Variants in ATL2 observed in about 807,000 individuals in gnomAD.
The protein encoded by ATL2 is atlastin-2.
A neutral mutation model predicts 73.9 loss-of-function variants in ATL2; 31 were observed. The observed-to-expected ratio is 0.42, with a 90% confidence interval of 0.32 to 0.57. ATL2 has a LOEUF of 0.57. Ranked by LOEUF, ATL2 falls within the 20% of genes least tolerant of loss-of-function variation. The probability of loss-of-function intolerance (pLI) is 0.14; values close to 1 mark genes in which losing one functional copy is unlikely to be tolerated. For synonymous variants in ATL2, 291 were observed against 237.5 expected (o/e 1.23, Z -2.07); for missense variants, 738 against 702.6 (o/e 1.05, Z -0.57).
intron 9 of ATL2, among the ~76,000 whole-genome samples, chr2:38,303,639 A>G (rs1031095779): frequency 6.6e-6 from 1 of 152,240 alleles, no homozygotes; most frequent in Non-Finnish European, 1.5e-5. Flanking sequence ...CCAAAAGGGC[A>G]AATCTAAGAG....
chr2:38,322,135 A>T (rs892427815), intron 2 of ATL2, among the ~76,000 whole-genome samples: 1 of 152,072 alleles, frequency 6.6e-6, no homozygotes, highest in Non-Finnish European at 1.5e-5. Context: ...CTCCTATCAA[A>T]GTGCCTTGCA....
At chr2:38,320,018 G>A (rs973144193) in intron 2 of ATL2, among the ~76,000 whole-genome samples, 25 of 152,184 alleles carry the variant, frequency 1.6e-4, no homozygotes, top group African/African-American at 5.1e-4. Context: ...TCAGGCAAGA[G>A]AATCACTTGA....
intron 2 of ATL2, among the ~76,000 whole-genome samples, chr2:38,325,500 G>T (rs996645871): frequency 6.6e-6 from 1 of 151,898 alleles, no homozygotes; most frequent in African/African-American, 2.4e-5. Context: ...TTATCTCAAA[G>T]AACTCCACAA....
intron 1 of ATL2, among the ~76,000 whole-genome samples, chr2:38,372,631 A>C (rs1671753036): frequency 6.6e-6 from 1 of 152,234 alleles, no homozygotes; most frequent in Admixed American, 6.5e-5. Context: ...TCTAAAATGC[A>C]CATTTATTAA....
intron 2 of ATL2, among the ~76,000 whole-genome samples, chr2:38,323,786 C>G (rs1668455412): frequency 6.6e-6 from 1 of 152,148 alleles, no homozygotes; most frequent in Non-Finnish European, 1.5e-5. Context: ...GATCATAGCT[C>G]ACTGTCCTCG....
intron 2 of ATL2, among the ~76,000 whole-genome samples, chr2:38,331,290 GC>G (rs941549499): frequency 3.9e-5 from 6 of 151,994 alleles, no homozygotes; most frequent in African/African-American, 1.4e-4. Flanking sequence ...ACAAAAAGTA[GC>G]TGGGCATGGT....
intron 2 of ATL2, among the ~76,000 whole-genome samples, chr2:38,330,106 G>A (rs1423937459): frequency 6.6e-6 from 1 of 151,006 alleles, no homozygotes; most frequent in East Asian, 1.9e-4. Context: ...TCCAGCCTGG[G>A]TGACAGAACA....
rs1301419447 is a variant in ATL2, at chr2:38,294,355, T to C, written c.*1639A>G. On this transcript the variant is annotated 3_prime_UTR_variant, in exon 13 of 13. Transcript: ENST00000378954. ...CAAGGTCAGGCGATTGAGACCATCC[T>C]GGCTAAAACGGTGAAACCCCATCTC... Among the ~76,000 whole-genome samples, 1 of 152,228 alleles carries C rather than the reference T, an allele frequency of 6.6e-6. No individual in the cohort carries two copies. The highest frequency in any genetic ancestry group is 1.5e-5 in the Non-Finnish European group (1 of 68,038).
chr2:38,341,617 C>G (rs750963527), intron 2 of ATL2, among the ~76,000 whole-genome samples: 44 of 152,224 alleles, frequency 2.9e-4, no homozygotes, highest in African/African-American at 9.9e-4. Context: ...TTCACACCAC[C>G]GCACTCCAGC....
chr2:38,345,953 T>C lies in ATL2; in HGVS notation c.119-2441A>G, dbSNP rs143742391. Among the ~76,000 whole-genome samples the C allele has an allele frequency of 8.6e-4, 131 of 152,334 alleles. 2 individuals carry two copies. Among genetic ancestry groups the C allele is most frequent in the African/African-American group, 3.0e-3 (126 of 41,570 alleles). ...TATGTATGCTACGCAGTAAGCACCA[T>C]AGGTGTAAGTTAACAGTAATTTCAA... On this transcript the variant is annotated intron_variant, in intron 1 of 12. Transcript: ENST00000378954.
intron 9 of ATL2, among the ~76,000 whole-genome samples, chr2:38,308,924 T>G (rs1667596168): frequency 1.3e-5 from 2 of 151,324 alleles, no homozygotes; most frequent in Non-Finnish European, 3.0e-5. Context: ...CTATAAAGAC[T>G]AGAGAAGAAC....
intron 8 of ATL2, among the ~76,000 whole-genome samples, chr2:38,310,030 C>T (rs917637674): frequency 1.3e-5 from 2 of 152,112 alleles, no homozygotes; most frequent in African/African-American, 4.8e-5. Context: ...TAGCAGACTG[C>T]AATCAATTGA....
rs570386624 is a variant in ATL2, at chr2:38,332,666, T to C, written c.363+10602A>G. 2.6e-4 allele frequency among the ~76,000 whole-genome samples: 39 copies of C among 152,302 alleles called. No homozygotes were observed. In the South Asian group the frequency reaches 7.9e-3, roughly 31 times the overall value. The stretch of plus-strand genomic sequence containing the variant: ...AAAACAAAAAATCAAATACCTTTAG[T>C]GTACAAGTTCAACAAAGACTCCTAG... On this transcript the variant is annotated intron_variant, in intron 2 of 12. Coordinates refer to ENST00000378954, the MANE Select transcript of ATL2 (RefSeq NM_001135673.4).
intron 9 of ATL2, among the ~76,000 whole-genome samples, chr2:38,309,069 C>T (rs1667603122): frequency 6.6e-6 from 1 of 152,040 alleles, no homozygotes; most frequent in Non-Finnish European, 1.5e-5. Flanking sequence ...GCTTTCCATT[C>T]CTATTATCAT....
intron 2 of ATL2, among the ~76,000 whole-genome samples, chr2:38,337,011 C>A (rs1669395495): frequency 6.6e-6 from 1 of 152,056 alleles, no homozygotes; most frequent in Non-Finnish European, 1.5e-5. Flanking sequence ...TAAAACTACA[C>A]CAACGGGATG....
intron 4 of ATL2, among the ~76,000 whole-genome samples, chr2:38,315,799 A>G (rs969502542): frequency 6.6e-6 from 1 of 152,166 alleles, no homozygotes; most frequent in Non-Finnish European, 1.5e-5. Context: ...TACCTCCACT[A>G]CTACTGACTC....
intron 2 of ATL2, among the ~76,000 whole-genome samples, chr2:38,340,182 G>T (rs1299895472): frequency 9.8e-6 from 1 of 102,070 alleles, no homozygotes; most frequent in Non-Finnish European, 2.2e-5. Flanking sequence ...GGGGGGGGGG[G>T]GGGGGTAGAC....
At chr2:38,366,218 G>T (rs548458410) in intron 1 of ATL2, among the ~76,000 whole-genome samples, 6 of 151,964 alleles carry the variant, frequency 3.9e-5, no homozygotes, top group Admixed American at 2.0e-4. Flanking sequence ...AAACACACAC[G>T]CTCAAAAACA....
At chr2:38,365,654 G>A (rs535772507) in intron 1 of ATL2, among the ~76,000 whole-genome samples, 1 of 147,830 alleles carries the variant, frequency 6.8e-6, no homozygotes, top group African/African-American at 2.7e-5. Flanking sequence ...AGCCAGGCGT[G>A]AGGGCGGGTA....
Sources: allele counts gnomAD v4.1 joint callset (sites outside exome capture counted in the v4.1 genomes callset), GRCh38; gene constraint gnomAD v4.1.1; transcripts MANE v1.5; gene names NCBI Gene and HGNC (gene_info 2026-07-23, HGNC 2026-07-21).